The following METTL2A variants were observed in gnomAD, a reference collection of about 807,000 sequenced individuals.
METTL2A encodes methyltransferase 2A, tRNA N3-cytidine.
METTL2A carries 45 observed loss-of-function variants against 49.4 expected under a neutral mutation model. That is an observed-to-expected ratio of 0.91 (90% CI 0.72 to 1.17). The LOEUF (loss-of-function observed/expected upper bound fraction) is 1.17. Ranked by LOEUF, METTL2A falls within the 50% of genes most tolerant of loss-of-function variation. The pLI, the probability that METTL2A is intolerant of heterozygous loss-of-function variation, is 0.00. For missense variants in METTL2A, 361 were observed against 462.2 expected (o/e 0.78, Z 2.01); for synonymous variants, 118 against 167.5 (o/e 0.70, Z 2.28).
At chr17:62,447,558 C>G (rs1209415654) in intron 7 of METTL2A, 143 bp from the exon 8 acceptor site, 1 of 800,504 alleles carries the variant, frequency 1.2e-6, no homozygotes, top group Non-Finnish European at 2.1e-6. Flanking sequence ...TTGTGACTTA[C>G]TCCTGTTGAG....
At chr17:62,429,763 T>A (rs939490886) in intron 4 of METTL2A, among the ~76,000 whole-genome samples, 1 of 152,068 alleles carries the variant, frequency 6.6e-6, no homozygotes, top group African/African-American at 2.4e-5. Context: ...CTCTGCCTCC[T>A]GGGTTCAAGC....
intron 4 of METTL2A, among the ~76,000 whole-genome samples, chr17:62,433,791 G>A (rs1231828788): frequency 6.6e-6 from 1 of 151,972 alleles, no homozygotes; most frequent in Non-Finnish European, 1.5e-5. Flanking sequence ...GCCAGGCGCG[G>A]TGGCTCACCC....
At chr17:62,446,862 C>A (rs1272702905) in intron 7 of METTL2A, among the ~76,000 whole-genome samples, 2 of 152,124 alleles carry the variant, frequency 1.3e-5, no homozygotes, top group Non-Finnish European at 2.9e-5. Context: ...CCCCCTATAC[C>A]AGTATCTGCA....
chr17:62,448,854 G>A lies in METTL2A; in HGVS notation c.*125G>A, dbSNP rs1473621455. On this transcript the variant is annotated 3_prime_UTR_variant, in exon 9 of 9. Transcript: ENST00000311506. The stretch of plus-strand genomic sequence containing the variant: ...CCACTCAGGAGGCTGAGGCGGGGAG[G>A]ATCCATTGAGCCCAGCAGTCCAACC... The A allele has an allele frequency of 1.4e-6, 2 of 1,465,442 alleles. No homozygotes were observed. Among genetic ancestry groups the A allele is most frequent in the Non-Finnish European group, 1.8e-6 (2 of 1,098,818 alleles). 90.8% of individuals were successfully genotyped at this position (1,465,442 alleles called of 1,614,324 possible). A position where few individuals can be genotyped will look rare whatever the true frequency, so the allele number is the denominator to read the frequency against.
chr17:62,446,535 A>G (rs1233559552), intron 7 of METTL2A, among the ~76,000 whole-genome samples: 1 of 149,480 alleles, frequency 6.7e-6, no homozygotes, highest in Admixed American at 6.7e-5. Context: ...CTGGTCTCGA[A>G]CTCCTGACCT....
At chr17:62,441,833 C>T (rs1340430514) in intron 6 of METTL2A, among the ~76,000 whole-genome samples, 9 of 151,754 alleles carry the variant, frequency 5.9e-5, no homozygotes, top group African/African-American at 1.5e-4. Flanking sequence ...CTCCACCTCC[C>T]GGGTTCAACC....
chr17:62,447,134 A>G (rs183355264), intron 7 of METTL2A, among the ~76,000 whole-genome samples: 18 of 152,196 alleles, frequency 1.2e-4, no homozygotes, highest in Non-Finnish European at 2.4e-4. Flanking sequence ...AAAAATAAAA[A>G]TAGGCCAGGC....
At chr17:62,436,112 G>A (rs573806668) in intron 5 of METTL2A, among the ~76,000 whole-genome samples, 104 of 152,090 alleles carry the variant, frequency 6.8e-4, no homozygotes, top group Middle Eastern at 6.8e-3. Flanking sequence ...AAAAAATGGC[G>A]CATACCTGTA....
intron 5 of METTL2A, among the ~76,000 whole-genome samples, chr17:62,437,971 C>CAA (rs111441483): frequency 1.5e-5 from 2 of 133,964 alleles, no homozygotes; most frequent in South Asian, 2.4e-4. Flanking sequence ...GACTCCATCT[C>CAA]AAAAAAAAAA....
At chr17:62,447,844 A>G (rs1169132905) in intron 8 of METTL2A, 78 bp downstream of exon 8, 9 of 1,597,206 alleles carry the variant, frequency 5.6e-6, no homozygotes, top group East Asian at 4.5e-5. Context: ...TCAGAAGGAA[A>G]ACTATCTGGT....
chr17:62,449,532 G>A lies in METTL2A; in HGVS notation c.*803G>A. On this transcript the variant is annotated 3_prime_UTR_variant, in exon 9 of 9. Coordinates refer to ENST00000311506, the MANE Select transcript of METTL2A (RefSeq NM_181725.4). ...TGGAGACCAGCGTGGCCAACATGGT[G>A]AAACCCCGTCTCTACTAAAGATAAA... 2.7e-6 allele frequency: 1 copy of A among 365,618 alleles called. No homozygotes were observed. The highest frequency in any genetic ancestry group is 3.9e-5 in the Admixed American group (1 of 25,702). The allele number at this position is 365,618 out of a possible 1,614,324, so 22.6% of individuals were successfully genotyped here.
At chr17:62,439,985 A>G (rs985932943) in intron 5 of METTL2A, among the ~76,000 whole-genome samples, 4 of 150,238 alleles carry the variant, frequency 2.7e-5, no homozygotes, top group African/African-American at 9.8e-5. Context: ...ATGCTATTAG[A>G]TTGATGCAAA....
Position 62,440,619 on chromosome 17 carries a change from A to C in METTL2A, c.672A>C (p.Thr224=), listed in dbSNP as rs1440085678. 6.2e-7 allele frequency: 1 copy of C among 1,609,842 alleles called. No homozygotes were observed. The highest frequency in any genetic ancestry group is 1.7e-5 in the Admixed American group (1 of 58,492). ...FSSTAIELVQ[T]NSEYDPSRCF... is the part of the protein sequence containing the mutation. Reference sequence around the variant, plus strand: ...CTGTGTCTTCCATCTGTCTGCAGACAAATTCAGAATATGATCCTTCTCGGT... The same window carrying C: ...CTGTGTCTTCCATCTGTCTGCAGACCAATTCAGAATATGATCCTTCTCGGT... The change falls in exon 6 of 9, where the codon ACA becomes ACC. Residue 224 remains threonine (T), a splice_region_variant and synonymous_variant. Coordinates refer to ENST00000311506, the MANE Select transcript of METTL2A (RefSeq NM_181725.4).
chr17:62,440,760 A>T lies in METTL2A; in HGVS notation c.809+4A>T. The T allele has an allele frequency of 1.2e-6, 2 of 1,610,682 alleles. No homozygotes were observed. Among genetic ancestry groups the T allele is most frequent in the Non-Finnish European group, 8.5e-7 (1 of 1,179,284 alleles). On this transcript the variant is annotated splice_donor_region_variant and intron_variant, in intron 6 of 8. Coordinates refer to ENST00000311506, the MANE Select transcript of METTL2A (RefSeq NM_181725.4). ...TTTCAGCAATTGTTCCAGACAAGTAAGTTTGGGTCCCTTGGCTGGTAGTGT... is the reference window on the plus strand; with the variant it reads ...TTTCAGCAATTGTTCCAGACAAGTATGTTTGGGTCCCTTGGCTGGTAGTGT...
chr17:62,439,764 G>GT (rs368721193), intron 5 of METTL2A, among the ~76,000 whole-genome samples: 5,102 of 151,098 alleles, frequency 0.034, 296 homozygotes, highest in African/African-American at 0.12. Flanking sequence ...CCTTACGAAT[G>GT]TTTTTTTTTC....
chr17:62,441,031 C>A (rs1049816805), intron 6 of METTL2A, among the ~76,000 whole-genome samples: 2 of 152,162 alleles, frequency 1.3e-5, no homozygotes, highest in African/African-American at 4.8e-5. Context: ...GTCTTGAATT[C>A]CTGGGCTCAA....
rs1361079409 is a variant in METTL2A, at chr17:62,451,348, A to G, written c.*2619A>G. 6.7e-6 allele frequency among the ~76,000 whole-genome samples: 1 copy of G among 150,310 alleles called. No individual in the cohort carries two copies. The highest frequency in any genetic ancestry group is 1.5e-5 in the Non-Finnish European group (1 of 67,552). ...TTTTTAGTAGAGACAGAGTTTCTCC[A>G]TGTTGGTCAGGCTGATCTCGAACTC... On this transcript the variant is annotated 3_prime_UTR_variant, in exon 9 of 9. Coordinates refer to ENST00000311506, the MANE Select transcript of METTL2A (RefSeq NM_181725.4).
chr17:62,433,748 A>AAG (rs1223096416), intron 4 of METTL2A, among the ~76,000 whole-genome samples: 1 of 151,604 alleles, frequency 6.6e-6, no homozygotes, highest in Non-Finnish European at 1.5e-5. Flanking sequence ...GTCTCAAAAA[A>AAG]AAAAAAAAGA....
chr17:62,431,958 A>C (rs577497407), intron 4 of METTL2A, among the ~76,000 whole-genome samples: 15 of 152,254 alleles, frequency 9.9e-5, no homozygotes, highest in African/African-American at 3.6e-4. Context: ...TGACCTCGTG[A>C]TCTGCCTGCC....
Sources: allele counts gnomAD v4.1 joint callset (sites outside exome capture counted in the v4.1 genomes callset), GRCh38; gene constraint gnomAD v4.1.1; transcripts MANE v1.5; gene names NCBI Gene and HGNC (gene_info 2026-07-23, HGNC 2026-07-21).